CYFIP2: variants seen among roughly 807,000 people sequenced by gnomAD.
CYFIP2 encodes the protein cytoplasmic FMR1 interacting protein 2.
Under a neutral mutation model 158.7 loss-of-function variants are expected in CYFIP2, and 29 were observed. The ratio of observed to expected loss-of-function variants is 0.18; its 90% CI spans 0.14 to 0.25. CYFIP2 has a LOEUF of 0.25. Ranked by LOEUF, CYFIP2 falls within the 10% of genes least tolerant of loss-of-function variation. The pLI is 1.00. For synonymous variants in CYFIP2, 585 were observed against 617.6 expected (o/e 0.95, Z 0.78); for missense variants, 852 against 1,639.5 (o/e 0.52, Z 8.29).
chr5:157,380,466 G>A (rs780364001), intron 26 of CYFIP2, among the ~76,000 whole-genome samples: 2 of 152,158 alleles, frequency 1.3e-5, no homozygotes, highest in Non-Finnish European at 2.9e-5. Context: ...AGGTTCATTA[G>A]GTCTGATTTC....
rs141764010 is a variant in CYFIP2 at position 157,321,461 on chromosome 5, G to A, written c.1671+659G>A. Among the ~76,000 whole-genome samples the A allele has an allele frequency of 5.8e-3, 888 of 152,304 alleles. 8 individuals are homozygous for A. The highest frequency in any genetic ancestry group is 0.019 in the African/African-American group (774 of 41,560). On this transcript the variant is annotated intron_variant, in intron 15 of 30. Transcript: ENST00000620254. Reference sequence around the variant, plus strand: ...AGCCAGAGCTTCTGCACAAGAGGTCGCCCGTGGCTTATCCAGAGCAGTCAT... The same window carrying A: ...AGCCAGAGCTTCTGCACAAGAGGTCACCCGTGGCTTATCCAGAGCAGTCAT...
At chr5:157,271,557 A>G (rs1464666967) in intron 1 of CYFIP2, 3 of 152,280 alleles carry the variant, frequency 2.0e-5, no homozygotes, top group South Asian at 2.1e-4. Flanking sequence ...CTCACATACA[A>G]TAAAATGTAC....
At chr5:157,341,190 G>A (rs1762223511) in intron 23 of CYFIP2, 33 bp downstream of exon 23, 1 of 1,595,618 alleles carries the variant, frequency 6.3e-7, no homozygotes. Context: ...GCCTAGAAGA[G>A]GGTTGGTGAG....
chr5:157,293,254 C>T (rs979650516), intron 3 of CYFIP2, among the ~76,000 whole-genome samples: 1 of 152,088 alleles, frequency 6.6e-6, no homozygotes, highest in South Asian at 2.1e-4. Context: ...CGGGGTTTTG[C>T]CATTTTGGCC....
chr5:157,343,577 CCT>C, intron 23 of CYFIP2: 2 of 1,476,694 alleles, frequency 1.4e-6, no homozygotes, highest in South Asian at 2.6e-5. Flanking sequence ...AGTGACATCC[CCT>C]GATTTAAGTA....
chr5:157,383,885 T>G (rs945550852), intron 28 of CYFIP2, among the ~76,000 whole-genome samples: 7 of 152,250 alleles, frequency 4.6e-5, no homozygotes, highest in African/African-American at 1.4e-4. Context: ...AATTAGATCT[T>G]GTTGCATCAG....
At chr5:157,297,886 C>T (rs1400492846) in intron 5 of CYFIP2, among the ~76,000 whole-genome samples, 2 of 152,248 alleles carry the variant, frequency 1.3e-5, no homozygotes, top group African/African-American at 4.8e-5. Context: ...CCTAGGCACA[C>T]TGCAAGTGCA....
At chr5:157,296,905 T>C (rs1600014) in intron 5 of CYFIP2, 131 bp downstream of exon 5, 487,029 of 646,516 alleles carry the variant, frequency 0.75, 185,706 homozygotes, top group Admixed American at 0.85. Flanking sequence ...GCCCTACACA[T>C]CCCTGGGTGA....
intron 18 of CYFIP2, among the ~76,000 whole-genome samples, chr5:157,326,826 C>G (rs932028373): frequency 6.6e-6 from 1 of 152,164 alleles, no homozygotes; most frequent in African/African-American, 2.4e-5. Flanking sequence ...CCTCGGTGAC[C>G]TGGGTCTGAG....
intron 16 of CYFIP2, 135 bp downstream of exon 16, chr5:157,324,209 A>G: frequency 9.4e-7 from 1 of 1,062,844 alleles, no homozygotes; most frequent in Non-Finnish European, 1.3e-6. Flanking sequence ...CACCAAGGAA[A>G]AAACACATAC....
chr5:157,267,439 G>A (rs919033260), intron 1 of CYFIP2, among the ~76,000 whole-genome samples: 2 of 152,160 alleles, frequency 1.3e-5, no homozygotes, highest in Non-Finnish European at 2.9e-5. Context: ...AGATCTTAGA[G>A]GGCAAAAATC....
intron 22 of CYFIP2, among the ~76,000 whole-genome samples, chr5:157,339,891 A>G (rs780689746): frequency 6.6e-6 from 1 of 152,226 alleles, no homozygotes; most frequent in Non-Finnish European, 1.5e-5. Context: ...GGTGCTGTGA[A>G]AGATAACACA....
chr5:157,383,742 A>G (rs1459832099), intron 28 of CYFIP2, among the ~76,000 whole-genome samples: 1 of 152,254 alleles, frequency 6.6e-6, no homozygotes, highest in Non-Finnish European at 1.5e-5. Context: ...ACGGAACACT[A>G]GATGCTTATG....
At chr5:157,267,708 CAG>C (rs1232424526) in intron 1 of CYFIP2, among the ~76,000 whole-genome samples, 3 of 152,200 alleles carry the variant, frequency 2.0e-5, no homozygotes, top group Admixed American at 6.5e-5. Context: ...GGAAAAGAAA[CAG>C]AGGATGGAGG....
Position 157,276,419 on chromosome 5 carries a change from C to T in CYFIP2, c.-23-8920C>T, listed in dbSNP as rs757672632. 3.3e-5 allele frequency among the ~76,000 whole-genome samples: 5 copies of T among 152,110 alleles called. No homozygotes were observed. In the South Asian group the frequency reaches 8.3e-4, roughly 25 times the overall value. ...TGACCTTTATTGCTATAGCTTATTA[C>T]GTTAATTGATATTCTGATGTTAATG... On this transcript the variant is annotated intron_variant, in intron 1 of 30. Coordinates refer to ENST00000620254, the MANE Select transcript of CYFIP2 (RefSeq NM_001037333.3).
At chr5:157,321,742 G>A (rs1342038391) in intron 15 of CYFIP2, among the ~76,000 whole-genome samples, 1 of 152,052 alleles carries the variant, frequency 6.6e-6, no homozygotes, top group African/African-American at 2.4e-5. Flanking sequence ...CTGTGCTGGG[G>A]GCTGGGGCAG....
chr5:157,286,949 C>A, intron 2 of CYFIP2, 70 bp from the exon 3 acceptor site: 1 of 1,235,348 alleles, frequency 8.1e-7, no homozygotes, highest in Non-Finnish European at 1.2e-6. Context: ...AGCAGTTTGC[C>A]CTCTGGACAC....
intron 1 of CYFIP2, among the ~76,000 whole-genome samples, chr5:157,268,538 A>G (rs1427593817): frequency 3.9e-5 from 6 of 152,208 alleles, no homozygotes; most frequent in Non-Finnish European, 8.8e-5. Flanking sequence ...TTAACGGGAA[A>G]AGCGCTCCTG....
chr5:157,354,450 A>G (rs761548723), intron 23 of CYFIP2, among the ~76,000 whole-genome samples: 4 of 152,000 alleles, frequency 2.6e-5, no homozygotes, highest in Middle Eastern at 3.2e-3. Context: ...CATTTTCTCA[A>G]TAGGGCCCAG....
Sources: allele counts gnomAD v4.1 joint callset (sites outside exome capture counted in the v4.1 genomes callset), GRCh38; gene constraint gnomAD v4.1.1; transcripts MANE v1.5; gene names NCBI Gene and HGNC (gene_info 2026-07-23, HGNC 2026-07-21).